QSOX1: variants seen among roughly 807,000 people sequenced by gnomAD.
QSOX1 encodes sulfhydryl oxidase 1.
In QSOX1, 40 loss-of-function variants were observed where a neutral mutation model predicts 76.1. The observed-to-expected ratio is 0.53, with a 90% CI of 0.41 to 0.68. The LOEUF (loss-of-function observed/expected upper bound fraction) is 0.68, where lower values mean the gene tolerates loss of function less well. QSOX1 is among the 30% of genes least tolerant of loss of function. QSOX1 has a pLI of 0.00. For synonymous variants in QSOX1, 392 were observed against 413.1 expected (o/e 0.95, Z 0.62); for missense variants, 931 against 974.3 (o/e 0.96, Z 0.59).
Position 180,154,974 on chromosome 1 carries a change from G to T in QSOX1, c.67G>T (p.Ala23Ser). The change falls in exon 1 of 12, where the codon GCG becomes TCG. Residue 23 changes from alanine (A) to serine (S), a missense_variant. Physicochemically the swap from Ala to Ser is moderately conservative, Grantham distance 99. Coordinates refer to ENST00000367602, the MANE Select transcript of QSOX1 (RefSeq NM_002826.5). ...GCTGCTGCTGCTGCTGTGGCTGCTCGCGGTTCCCGGCGCTAACGCGGCCCC... is the reference window on the plus strand; with the variant it reads ...GCTGCTGCTGCTGCTGTGGCTGCTCTCGGTTCCCGGCGCTAACGCGGCCCC... Reference protein sequence around the residue: ...SLLLLLLWLLAVPGANAAPRS... With the variant: ...SLLLLLLWLLSVPGANAAPRS... 6.6e-7 allele frequency: 1 copy of T among 1,505,828 alleles called. No homozygotes were observed. Among genetic ancestry groups the T allele is most frequent in the East Asian group, 2.7e-5 (1 of 36,872 alleles). The allele number at this position is 1,505,828 out of a possible 1,614,324, so 93.3% of individuals were successfully genotyped here. A position where few individuals can be genotyped will look rare whatever the true frequency, so the allele number is the denominator to read the frequency against.
intron 2 of QSOX1, among the ~76,000 whole-genome samples, chr1:180,167,327 A>G (rs1287085113): frequency 6.6e-6 from 1 of 152,248 alleles, no homozygotes; most frequent in African/African-American, 2.4e-5. Flanking sequence ...AGCACCAGCT[A>G]TAAATAATAT....
Position 180,200,719 on chromosome 1 carries a change from T to C in QSOX1, c.*3682T>C, listed in dbSNP as rs61809095. 16,260 of 152,176 alleles carry C rather than the reference T, an allele frequency of 0.11. 1,196 individuals carry two copies. The highest frequency in any genetic ancestry group is 0.2 in the Middle Eastern group (58 of 294). The allele number at this position is 152,176 out of a possible 1,614,324, so 9.4% of individuals were successfully genotyped here. ...CAAAATAAATACATTTGCCCTATTCTCCCAAATGGTGAGAGGTAGATCCAG... is the reference window on the plus strand; with the variant it reads ...CAAAATAAATACATTTGCCCTATTCCCCCAAATGGTGAGAGGTAGATCCAG... On this transcript the variant is annotated 3_prime_UTR_variant, in exon 12 of 12. Coordinates refer to ENST00000367602, the MANE Select transcript of QSOX1 (RefSeq NM_002826.5).
At chr1:180,155,737 T>C (rs3767196) in intron 1 of QSOX1, among the ~76,000 whole-genome samples, 72,136 of 152,164 alleles carry the variant, frequency 0.47, 19,626 homozygotes, top group African/African-American at 0.76. Context: ...TGTGGGTATG[T>C]CCACCTGGCA....
At position 180,196,931 on chromosome 1, in the gene QSOX1, G is replaced by A; in HGVS notation, c.2138G>A (p.Cys713Tyr). 3 of 1,603,154 alleles carry A rather than the reference G, an allele frequency of 1.9e-6. No homozygotes were observed. Among genetic ancestry groups the A allele is most frequent in the Non-Finnish European group, 2.6e-6 (3 of 1,173,258 alleles). The change falls in exon 12 of 12, where the codon TGT (cysteine) becomes TAT (tyrosine). Residue 713 changes from cysteine to tyrosine, a missense_variant. Coordinates refer to ENST00000367602, the MANE Select transcript of QSOX1 (RefSeq NM_002826.5). The surrounding 1 kb of genome is among the most constrained non-coding windows in gnomAD (Gnocchi z 4.1). ...GGFSYLDISL[C>Y]VGLYSLSFMG... ...TTCTCTTACCTGGACATCAGCCTCT[G>A]TGTGGGGCTCTATTCCCTGTCCTTC...
chr1:180,189,419 T>G (rs556021369), intron 8 of QSOX1, 133 bp from the exon 9 acceptor site: 158 of 874,524 alleles, frequency 1.8e-4, no homozygotes, highest in Non-Finnish European at 2.5e-4. Flanking sequence ...TTTGGAACTT[T>G]GCACAACCTC....
chr1:180,194,033 A>G (rs1368576702), intron 10 of QSOX1, among the ~76,000 whole-genome samples, 180 bp from the exon 11 acceptor site: 3 of 152,020 alleles, frequency 2.0e-5, no homozygotes, highest in African/African-American at 7.3e-5. Flanking sequence ...TAAAGTGACC[A>G]TGGCAGGTAG....
rs1304713549 is a variant in QSOX1 at position 180,200,585 on chromosome 1, T to G, written c.*3548T>G. 6.6e-6 allele frequency: 1 copy of G among 152,226 alleles called. No homozygotes were observed. The highest frequency in any genetic ancestry group is 2.4e-5 in the African/African-American group (1 of 41,446). The allele number at this position is 152,226 out of a possible 1,614,324, so 9.4% of individuals were successfully genotyped here. A position where few individuals can be genotyped will look rare whatever the true frequency, so the allele number is the denominator to read the frequency against. ...GCTGTTGGAGAATTGATGTGTATGA[T>G]TTATTGAACTTTGCACTCATTTAAA... On this transcript the variant is annotated 3_prime_UTR_variant, in exon 12 of 12. Transcript: ENST00000367602.
intron 1 of QSOX1, among the ~76,000 whole-genome samples, chr1:180,159,318 A>G (rs188470718): frequency 2.1e-4 from 32 of 152,370 alleles, no homozygotes; most frequent in Admixed American, 4.6e-4. Flanking sequence ...AAGACACCTG[A>G]CACTTCAAAA....
intron 7 of QSOX1, among the ~76,000 whole-genome samples, chr1:180,185,363 C>T (rs1201393431): frequency 6.6e-6 from 1 of 152,222 alleles, no homozygotes; most frequent in East Asian, 1.9e-4. Flanking sequence ...GGGGAAGAGG[C>T]ACCCAACTTT....
At chr1:180,186,024 T>C in intron 7 of QSOX1, 29 bp from the exon 8 acceptor site, 7 of 1,611,866 alleles carry the variant, frequency 4.3e-6, no homozygotes, top group Non-Finnish European at 5.1e-6. Context: ...AATACTTCTT[T>C]CTCTCTCTAT....
At chr1:180,188,792 T>C (rs888805719) in intron 8 of QSOX1, among the ~76,000 whole-genome samples, 2 of 152,238 alleles carry the variant, frequency 1.3e-5, no homozygotes, top group Admixed American at 1.3e-4. Flanking sequence ...CCAGCCTCTT[T>C]GTGGTTTTAT....
chr1:180,200,325 A>G lies in QSOX1; in HGVS notation c.*3288A>G, dbSNP rs1663609841. The G allele has an allele frequency of 6.6e-6, 1 of 152,278 alleles. No individual in the cohort carries two copies. The highest frequency in any genetic ancestry group is 2.1e-4 in the South Asian group (1 of 4,818). The allele number at this position is 152,278 out of a possible 1,614,324, so 9.4% of individuals were successfully genotyped here. On this transcript the variant is annotated 3_prime_UTR_variant, in exon 12 of 12. Coordinates refer to ENST00000367602, the MANE Select transcript of QSOX1 (RefSeq NM_002826.5). ...GTGTCGTCTCCTGTCTTGATACCTG[A>G]AAACTCAAGGGGCCCTGTTGTGCTT...
Position 180,196,914 on chromosome 1 carries a change from C to T in QSOX1, c.2121C>T (p.Tyr707=). The T allele has an allele frequency of 6.3e-7, 1 of 1,595,682 alleles. No homozygotes were observed. The highest frequency in any genetic ancestry group is 8.6e-7 in the Non-Finnish European group (1 of 1,168,948). The change falls in exon 12 of 12, where the codon TAC becomes TAT. Residue 707 remains tyrosine (Y), a synonymous_variant. Coordinates refer to ENST00000367602, the MANE Select transcript of QSOX1 (RefSeq NM_002826.5). The surrounding 1 kb of genome is among the most constrained non-coding windows in gnomAD (Gnocchi z 4.1). ...AGGTGCTGGGAGGGGGCTTCTCTTA[C>T]CTGGACATCAGCCTCTGTGTGGGGC... ...WLQVLGGGFS[Y]LDISLCVGLY...
chr1:180,175,975 G>T lies in QSOX1; in HGVS notation c.457G>T (p.Ala153Ser). Residue 153 changes from alanine (A) to serine (S), a missense_variant, in exon 4 of 12, where the codon GCC (alanine) becomes TCC (serine). Coordinates refer to ENST00000367602, the MANE Select transcript of QSOX1 (RefSeq NM_002826.5). ...VQTLRERLID[A>S]LESHHDTWPP... ...GACACTGCGGGAGAGGCTCATTGACGCCCTGGAGTCCCATCATGACACGTG... is the reference window on the plus strand; with the variant it reads ...GACACTGCGGGAGAGGCTCATTGACTCCCTGGAGTCCCATCATGACACGTG... 6.2e-7 allele frequency: 1 copy of T among 1,601,968 alleles called. No individual in the cohort carries two copies. Among genetic ancestry groups the T allele is most frequent in the Non-Finnish European group, 8.5e-7 (1 of 1,175,130 alleles).
At position 180,155,117 on chromosome 1, in the gene QSOX1, C is replaced by T. The variant is rs1279617623; in HGVS notation, c.210C>T (p.Cys70=). The T allele has an allele frequency of 6.6e-7, 1 of 1,522,268 alleles. No homozygotes were observed. Among genetic ancestry groups the T allele is most frequent in the Non-Finnish European group, 8.8e-7 (1 of 1,139,802 alleles). The allele number at this position is 1,522,268 out of a possible 1,614,324, so 94.3% of individuals were successfully genotyped here. A position where few individuals can be genotyped will look rare whatever the true frequency, so the allele number is the denominator to read the frequency against. Residue 70 remains cysteine (C), a synonymous_variant, in exon 1 of 12, where the codon TGC becomes TGT. Coordinates refer to ENST00000367602, the MANE Select transcript of QSOX1 (RefSeq NM_002826.5). ...CCGTGGAGTTCTTCGCCTCCTGGTG[C>T]GGCCACTGCATCGCCTTCGCCCCGA... ...AWAVEFFASW[C]GHCIAFAPTW...
At chr1:180,176,054 C>T (rs779399285) in intron 4 of QSOX1, 21 bp downstream of exon 4, 8 of 1,551,290 alleles carry the variant, frequency 5.2e-6, no homozygotes, top group African/African-American at 1.4e-5. Flanking sequence ...CTGGGGCAGG[C>T]TTAGTGCATT....
chr1:180,185,890 G>C (rs1663157429), intron 7 of QSOX1, among the ~76,000 whole-genome samples, 163 bp from the exon 8 acceptor site: 1 of 152,208 alleles, frequency 6.6e-6, no homozygotes, highest in African/African-American at 2.4e-5. Context: ...ATTTACCCAA[G>C]GTCACACAGC....
Position 180,196,659 on chromosome 1 carries a change from T to G in QSOX1, c.1866T>G (p.Pro622=). The G allele has an allele frequency of 6.2e-7, 1 of 1,614,138 alleles. No individual in the cohort carries two copies. Among genetic ancestry groups the G allele is most frequent in the South Asian group, 1.1e-5 (1 of 91,084 alleles). ...GAGCTGCACCAGGCCAGGAGCCTCC[T>G]GAGCACATGGCAGAGCTTCAGAGGA... ...GLRAAPGQEP[P]EHMAELQRNE... Residue 622 remains proline (P), a synonymous_variant, in exon 12 of 12, where the codon CCT becomes CCG. Coordinates refer to ENST00000367602, the MANE Select transcript of QSOX1 (RefSeq NM_002826.5). The surrounding 1 kb of genome is among the most constrained non-coding windows in gnomAD (Gnocchi z 4.1).
chr1:180,179,112 C>G (rs542945656), intron 5 of QSOX1, among the ~76,000 whole-genome samples: 53 of 152,340 alleles, frequency 3.5e-4, no homozygotes, highest in Non-Finnish European at 5.1e-4. Context: ...AAATATAACA[C>G]CTGCTGTTAT....
Sources: allele counts gnomAD v4.1 joint callset (sites outside exome capture counted in the v4.1 genomes callset), GRCh38; gene constraint gnomAD v4.1.1; non-coding constraint Gnocchi (gnomAD v3.1); transcripts MANE v1.5; gene names NCBI Gene and HGNC (gene_info 2026-07-23, HGNC 2026-07-21).